RIT2: variants seen among roughly 807,000 people sequenced by gnomAD.
RIT2 encodes Ras like without CAAX 2.
RIT2 carries 24 observed loss-of-function variants against 23.7 expected under a neutral mutation model. That is an observed-to-expected ratio of 1.01 (90% CI 0.73 to 1.43). RIT2 has a LOEUF of 1.43. RIT2 is among the 40% of genes most tolerant of loss of function. RIT2 has a pLI of 0.00. For synonymous variants in RIT2, 107 were observed against 91.1 expected (o/e 1.17, Z -0.99); for missense variants, 236 against 266.9 (o/e 0.88, Z 0.81).
At chr18:42,779,634 C>G (rs1913759219) in intron 4 of RIT2, among the ~76,000 whole-genome samples, 1 of 152,020 alleles carries the variant, frequency 6.6e-6, no homozygotes, top group Admixed American at 6.6e-5. Flanking sequence ...TATGTGATCA[C>G]AATATAAATG....
Position 42,929,038 on chromosome 18 carries a change from T to G in RIT2, c.235-5275A>C, listed in dbSNP as rs978646816. On this transcript the variant is annotated intron_variant, in intron 3 of 4. Transcript: ENST00000326695. ...ATACTAAAACTAAAATATGGAGATA[T>G]ATATATATATATATATATATTTATA... Among the ~76,000 whole-genome samples the G allele has an allele frequency of 2.1e-4, 30 of 140,794 alleles. 1 individual carries two copies. The highest frequency in any genetic ancestry group is 6.9e-4 in the African/African-American group (27 of 39,006). The allele number at this position is 140,794 out of a possible 152,430, so 92.4% of individuals were successfully genotyped here.
intron 4 of RIT2, among the ~76,000 whole-genome samples, chr18:42,835,261 C>T (rs1487302408): frequency 6.6e-6 from 1 of 151,852 alleles, no homozygotes; most frequent in Non-Finnish European, 1.5e-5. Flanking sequence ...AAATGTGTAG[C>T]TATGTAAGAC....
At chr18:42,803,702 A>G (rs1239389574) in intron 4 of RIT2, among the ~76,000 whole-genome samples, 1 of 152,224 alleles carries the variant, frequency 6.6e-6, no homozygotes, top group Non-Finnish European at 1.5e-5. Context: ...ATGCTTTGGT[A>G]CATTCCAACC....
chr18:42,883,964 G>A (rs1045411519), intron 4 of RIT2, among the ~76,000 whole-genome samples: 1 of 152,134 alleles, frequency 6.6e-6, no homozygotes, highest in African/African-American at 2.4e-5. Flanking sequence ...AGGTTACTCA[G>A]CCTTAAAAAG....
chr18:43,013,390 T>A (rs545466497), intron 2 of RIT2, among the ~76,000 whole-genome samples: 2 of 151,944 alleles, frequency 1.3e-5, no homozygotes, highest in African/African-American at 4.8e-5. Context: ...TATTACAATG[T>A]CCAGGAATCG....
intron 4 of RIT2, among the ~76,000 whole-genome samples, chr18:42,784,244 A>C (rs1200366858): frequency 6.7e-6 from 1 of 149,868 alleles, no homozygotes; most frequent in African/African-American, 2.5e-5. Flanking sequence ...TGATGATTCT[A>C]GTCTTCGTTC....
At chr18:42,775,570 G>A (rs891074260) in intron 4 of RIT2, among the ~76,000 whole-genome samples, 50 of 152,102 alleles carry the variant, frequency 3.3e-4, no homozygotes, top group African/African-American at 5.3e-4. Context: ...GGTGGCGGGC[G>A]CCTGTAGTCC....
chr18:42,793,457 C>T (rs1315182655), intron 4 of RIT2, among the ~76,000 whole-genome samples: 4 of 152,152 alleles, frequency 2.6e-5, no homozygotes, highest in Non-Finnish European at 1.5e-5. Context: ...TACATAAATC[C>T]TATTCTGACT....
At chr18:43,072,695 C>T (rs762421995) in intron 1 of RIT2, among the ~76,000 whole-genome samples, 1 of 152,120 alleles carries the variant, frequency 6.6e-6, no homozygotes, top group Non-Finnish European at 1.5e-5. Flanking sequence ...TACCTTCTTG[C>T]CGTCTGTACT....
intron 1 of RIT2, among the ~76,000 whole-genome samples, chr18:43,054,159 A>G (rs1912446705): frequency 6.6e-6 from 1 of 152,020 alleles, no homozygotes; most frequent in East Asian, 1.9e-4. Context: ...CTGTAAATGT[A>G]TGTCTGTGAC....
intron 3 of RIT2, among the ~76,000 whole-genome samples, chr18:42,931,306 T>A (rs553435788): frequency 6.6e-6 from 1 of 152,114 alleles, no homozygotes; most frequent in Admixed American, 6.6e-5. Flanking sequence ...ATCAAATCCT[T>A]AAACTAAATG....
chr18:42,773,272 A>G (rs1409846742), intron 4 of RIT2, among the ~76,000 whole-genome samples: 2 of 152,200 alleles, frequency 1.3e-5, no homozygotes, highest in Non-Finnish European at 2.9e-5. Context: ...TTGAAAGGAA[A>G]TCAATTCAAA....
At chr18:42,982,358 A>G (rs1476671770) in intron 2 of RIT2, among the ~76,000 whole-genome samples, 1 of 152,132 alleles carries the variant, frequency 6.6e-6, no homozygotes, top group Non-Finnish European at 1.5e-5. Flanking sequence ...CGTTGATGGC[A>G]AATCTTTCCT....
chr18:43,078,568 C>T (rs769408943), intron 1 of RIT2, among the ~76,000 whole-genome samples: 2 of 152,166 alleles, frequency 1.3e-5, no homozygotes, highest in Non-Finnish European at 1.5e-5. Context: ...CCTTGCATCG[C>T]GCACATGCTA....
At chr18:43,055,119 A>G (rs1912469724) in intron 1 of RIT2, among the ~76,000 whole-genome samples, 1 of 152,104 alleles carries the variant, frequency 6.6e-6, no homozygotes, top group Admixed American at 6.6e-5. Context: ...TTCTGAAAAT[A>G]TGGCCATAGA....
At chr18:42,849,999 T>A (rs1907007685) in intron 4 of RIT2, among the ~76,000 whole-genome samples, 1 of 152,036 alleles carries the variant, frequency 6.6e-6, no homozygotes, top group Non-Finnish European at 1.5e-5. Flanking sequence ...ATTCTGACAC[T>A]AAGGTCCAAA....
intron 2 of RIT2, among the ~76,000 whole-genome samples, chr18:43,024,707 AAACAACAACAACAAC>A (rs141467663): frequency 2.7e-5 from 4 of 150,214 alleles, no homozygotes; most frequent in African/African-American, 7.4e-5. Flanking sequence ...GAACTCAAAC[AAACAACAACAACAAC>A]AACAACAACA....
At chr18:42,966,225 A>C (rs1481687093) in intron 3 of RIT2, among the ~76,000 whole-genome samples, 2 of 152,196 alleles carry the variant, frequency 1.3e-5, no homozygotes, top group Admixed American at 1.3e-4. Flanking sequence ...ACAGTGGCCC[A>C]GCAGTAATTA....
At position 42,925,088 on chromosome 18, in the gene RIT2, G is replaced by C. The variant is rs543386039; in HGVS notation, c.235-1325C>G. On this transcript the variant is annotated intron_variant, in intron 3 of 4. Coordinates refer to ENST00000326695, the MANE Select transcript of RIT2 (RefSeq NM_002930.4). Reference sequence around the variant, plus strand: ...CCAACAGCAACATGATATAGAGTTGGGTCAAAAAACTCATGTTACCTGACT... The same window carrying C: ...CCAACAGCAACATGATATAGAGTTGCGTCAAAAAACTCATGTTACCTGACT... 1.1e-3 allele frequency among the ~76,000 whole-genome samples: 165 copies of C among 151,786 alleles called. 1 individual carries two copies. The highest frequency in any genetic ancestry group is 3.6e-3 in the African/African-American group (149 of 41,416).
Sources: allele counts gnomAD v4.1 joint callset (sites outside exome capture counted in the v4.1 genomes callset), GRCh38; gene constraint gnomAD v4.1.1; transcripts MANE v1.5; gene names NCBI Gene and HGNC (gene_info 2026-07-23, HGNC 2026-07-21).